Variants in MGARP observed in about 807,000 individuals in gnomAD.
The protein encoded by MGARP is protein MGARP.
In MGARP, 12 loss-of-function variants were observed where a neutral mutation model predicts 11.0. The ratio of observed to expected loss-of-function variants is 1.09; its 90% CI spans 0.70 to 1.77. MGARP has a LOEUF of 1.77. Among genes scored for constraint, MGARP ranks in the 40% most tolerant of loss-of-function variants. The pLI is 0.00. For missense variants in MGARP, 283 were observed against 297.8 expected (o/e 0.95, Z 0.36); for synonymous variants, 110 against 115.4 (o/e 0.95, Z 0.30).
intron 1 of MGARP, among the ~76,000 whole-genome samples, chr4:139,279,657 C>T (rs926263559): frequency 2.0e-5 from 3 of 152,218 alleles, no homozygotes; most frequent in East Asian, 3.9e-4. Flanking sequence ...CGTTCCTCTG[C>T]TTCCTCAGGA....
intron 2 of MGARP, among the ~76,000 whole-genome samples, chr4:139,270,076 C>A (rs961314602): frequency 6.6e-6 from 1 of 151,750 alleles, no homozygotes; most frequent in Non-Finnish European, 1.5e-5. Context: ...CTGAGGCCAG[C>A]GGATCACCTG....
At chr4:139,276,634 C>T (rs1028112454) in intron 1 of MGARP, among the ~76,000 whole-genome samples, 7 of 152,004 alleles carry the variant, frequency 4.6e-5, no homozygotes, top group Non-Finnish European at 1.0e-4. Flanking sequence ...ATCACTTGAG[C>T]CCAGGATTTC....
chr4:139,269,946 A>T (rs1475073953), intron 2 of MGARP, among the ~76,000 whole-genome samples: 2 of 152,164 alleles, frequency 1.3e-5, no homozygotes, highest in African/African-American at 4.8e-5. Context: ...TTATTTAAAA[A>T]TTGTACTACT....
intron 2 of MGARP, 52 bp from the exon 3 acceptor site, chr4:139,268,817 C>T (rs145560204): frequency 4.3e-5 from 59 of 1,368,648 alleles, no homozygotes; most frequent in East Asian, 2.3e-4. Context: ...AGATTTGTCA[C>T]GCCACATCCA....
At chr4:139,272,903 G>C (rs559525707) in intron 2 of MGARP, among the ~76,000 whole-genome samples, 1 of 151,858 alleles carries the variant, frequency 6.6e-6, no homozygotes, top group Non-Finnish European at 1.5e-5. Context: ...GACCAGGCTG[G>C]TCTTGAACTC....
intron 1 of MGARP, among the ~76,000 whole-genome samples, chr4:139,279,057 A>C (rs945266197): frequency 2.6e-5 from 4 of 152,132 alleles, no homozygotes; most frequent in African/African-American, 9.7e-5. Flanking sequence ...AAGGCTCAGA[A>C]AGTGAGGCTA....
chr4:139,266,859 C>T lies in MGARP; in HGVS notation c.463G>A (p.Glu155Lys), dbSNP rs200237506. The change falls in exon 4 of 4, where the codon GAA becomes AAA. Residue 155 changes from glutamate (E) to lysine (K), a missense_variant. Coordinates refer to ENST00000398955, the MANE Select transcript of MGARP (RefSeq NM_032623.4). Reference sequence around the variant, plus strand: ...GCATCTGTGACCTCTGGCCCGGTTTCAGCACTGACTGCTGTGGTCTCCGGA... The same window carrying T: ...GCATCTGTGACCTCTGGCCCGGTTTTAGCACTGACTGCTGTGGTCTCCGGA... The part of the protein sequence containing the change: ...AAPETTAVSA[E>K]TGPEVTDAAA... The T allele has an allele frequency of 2.5e-4, 410 of 1,614,194 alleles. No homozygotes were observed. The highest frequency in any genetic ancestry group is 3.3e-4 in the Middle Eastern group (2 of 6,062).
At chr4:139,271,552 C>T (rs555734143) in intron 2 of MGARP, among the ~76,000 whole-genome samples, 1 of 152,258 alleles carries the variant, frequency 6.6e-6, no homozygotes, top group East Asian at 1.9e-4. Flanking sequence ...ATCTGGGCCT[C>T]TTTCAGATTC....
intron 1 of MGARP, among the ~76,000 whole-genome samples, chr4:139,276,826 G>A (rs1344050307): frequency 6.6e-6 from 1 of 152,068 alleles, no homozygotes; most frequent in Non-Finnish European, 1.5e-5. Context: ...AACAGAGAAA[G>A]GTTCTGTTCC....
Position 139,275,367 on chromosome 4 carries a change from G to A in MGARP, c.108C>T (p.Asn36=), listed in dbSNP as rs1329935677. The change falls in exon 2 of 4, where the codon AAC becomes AAT. Residue 36 remains asparagine (N), a synonymous_variant. Transcript: ENST00000398955. ...TTGATCCAGATGATCCAGGGAATCT[G>A]TTAGATGACATCCGGCGCAGAGATG... is the stretch of plus-strand genomic sequence containing the variant. ...KDASLRRMSS[N]RFPGSSGSNM... 1.2e-6 allele frequency: 2 copies of A among 1,613,964 alleles called. No individual in the cohort carries two copies. Among genetic ancestry groups the A allele is most frequent in the Non-Finnish European group, 1.7e-6 (2 of 1,179,934 alleles).
rs1161501399 is a variant in MGARP at position 139,266,841 on chromosome 4, T to G, written c.481A>C (p.Thr161Pro). ...AVSAETGPEV[T>P]DAAARETTEV... is the part of the protein sequence containing the mutation. ...GTGGTTTCCCTCGCCGCTGCATCTG[T>G]GACCTCTGGCCCGGTTTCAGCACTG... The change falls in exon 4 of 4, where the codon ACA becomes CCA. Residue 161 changes from threonine to proline, a missense_variant. Transcript: ENST00000398955. 2 of 1,614,212 alleles carry G rather than the reference T, an allele frequency of 1.2e-6. No homozygotes were observed. The highest frequency in any genetic ancestry group is 3.3e-5 in the Admixed American group (2 of 60,006).
Position 139,271,387 on chromosome 4 carries a change from G to A in MGARP, c.187-2622C>T, listed in dbSNP as rs190678873. ...CTAAAAATACAAAAATTAGCCAGGC[G>A]TGGTGGCAGGCGCCTGTAATCCCAG... On this transcript the variant is annotated intron_variant, in intron 2 of 3. Coordinates refer to ENST00000398955, the MANE Select transcript of MGARP (RefSeq NM_032623.4). Among the ~76,000 whole-genome samples the A allele has an allele frequency of 2.8e-4, 43 of 152,152 alleles. No homozygotes were observed. The East Asian group carries it at 6.4e-3, about 23-fold the overall frequency.
chr4:139,269,882 AATTT>A (rs1222108777), intron 2 of MGARP, among the ~76,000 whole-genome samples: 30 of 152,256 alleles, frequency 2.0e-4, no homozygotes, highest in African/African-American at 7.0e-4. Flanking sequence ...AGATTTCTAA[AATTT>A]ATTTATATAT....
At chr4:139,276,785 T>A (rs1744881401) in intron 1 of MGARP, among the ~76,000 whole-genome samples, 1 of 152,158 alleles carries the variant, frequency 6.6e-6, no homozygotes, top group Admixed American at 6.5e-5. Context: ...TGCAGTGAGC[T>A]GTGATTGTAC....
At chr4:139,276,864 G>A (rs1052601870) in intron 1 of MGARP, among the ~76,000 whole-genome samples, 6 of 152,092 alleles carry the variant, frequency 3.9e-5, no homozygotes, top group African/African-American at 1.4e-4. Flanking sequence ...AAAATAAAAT[G>A]CTTGGGACCA....
intron 2 of MGARP, among the ~76,000 whole-genome samples, chr4:139,270,608 GAAAAAAAAA>G (rs751695236): frequency 2.2e-5 from 2 of 89,064 alleles, no homozygotes; most frequent in Admixed American, 1.4e-4. Flanking sequence ...GACCGCGTCT[GAAAAAAAAA>G]AAAAAAAAAA....
rs538319818 is a variant in MGARP, at chr4:139,269,769, T to C, written c.187-1004A>G. Among the ~76,000 whole-genome samples the C allele has an allele frequency of 2.0e-4, 30 of 152,064 alleles. No homozygotes were observed. In the East Asian group the frequency reaches 5.4e-3, roughly 27 times the overall value. Reference sequence around the variant, plus strand: ...TTTGGCCTGTATTCATATTAGAAAATGATATAAAAAATGAAAATCTCATTA... The same window carrying C: ...TTTGGCCTGTATTCATATTAGAAAACGATATAAAAAATGAAAATCTCATTA... On this transcript the variant is annotated intron_variant, in intron 2 of 3. Coordinates refer to ENST00000398955, the MANE Select transcript of MGARP (RefSeq NM_032623.4).
intron 1 of MGARP, among the ~76,000 whole-genome samples, chr4:139,277,966 A>C (rs1263145531): frequency 6.6e-6 from 1 of 152,098 alleles, no homozygotes; most frequent in East Asian, 1.9e-4. Context: ...GGTGGCTCAC[A>C]CCTGTAATCC....
chr4:139,269,235 T>C (rs1004743512), intron 2 of MGARP, among the ~76,000 whole-genome samples: 2 of 146,106 alleles, frequency 1.4e-5, no homozygotes, highest in African/African-American at 5.0e-5. Context: ...GACAGGCATA[T>C]ACAAATATTT....
Sources: gnomAD v4.1 joint callset for allele counts (sites outside exome capture counted in the v4.1 genomes callset) on GRCh38, gnomAD v4.1.1 for gene constraint, MANE v1.5 for transcripts, NCBI Gene and HGNC (gene_info 2026-07-23, HGNC 2026-07-21) for gene names.